Variants in LCORL observed in about 807,000 individuals in gnomAD.
LCORL encodes the protein ligand dependent nuclear receptor corepressor like.
A neutral mutation model predicts 141.8 loss-of-function variants in LCORL; 41 were observed. That is an observed-to-expected ratio of 0.29 (90% CI 0.23 to 0.38). The LOEUF (loss-of-function observed/expected upper bound fraction) is 0.38, where lower values mean the gene tolerates loss of function less well. Among genes scored for constraint, LCORL ranks in the 10% least tolerant of loss-of-function variants. The pLI is 1.00. For missense variants in LCORL, 1,759 were observed against 2,035.0 expected (o/e 0.86, Z 2.61); for synonymous variants, 618 against 694.1 (o/e 0.89, Z 1.72).
intron 5 of LCORL, among the ~76,000 whole-genome samples, chr4:17,890,095 G>C (rs1470094302): frequency 6.6e-6 from 1 of 151,914 alleles, no homozygotes. Flanking sequence ...TTGGTATTCA[G>C]GTTGTTTTAG....
At chr4:17,991,221 A>G (rs183104332) in intron 1 of LCORL, among the ~76,000 whole-genome samples, 1 of 152,274 alleles carries the variant, frequency 6.6e-6, no homozygotes, top group East Asian at 1.9e-4. Context: ...CTCTGTTTCA[A>G]TTCTTCCCAA....
Position 18,021,690 on chromosome 4 carries a change from G to C in LCORL, c.62C>G (p.Ala21Gly), listed in dbSNP as rs1238938056. Residue 21 changes from alanine to glycine, a missense_variant, in exon 1 of 8, where the codon GCC (alanine) becomes GGC (glycine). By Grantham distance (60) the Ala-to-Gly change is moderately conservative. This residue lies in a region of LCORL where 86 missense variants were observed against 61.8 expected (regional missense o/e 1.39). Coordinates refer to ENST00000635767, the Ensembl canonical transcript of LCORL. This position sits in a 1 kb window ranked among gnomAD's most constrained non-coding sequence, Gnocchi z 5.5. ...GCACCGAGGGCTCCGGCACTGAGCG[G>C]CGGCGGCGGCGGCGGCAGCAGCGGC... The C allele has an allele frequency of 6.5e-7, 1 of 1,531,172 alleles. No individual in the cohort carries two copies. The highest frequency in any genetic ancestry group is 1.4e-5 in the African/African-American group (1 of 70,986). 94.8% of individuals were successfully genotyped at this position (1,531,172 alleles called of 1,614,324 possible).
intron 7 of LCORL, chr4:17,867,142 A>G (rs1725770727): frequency 1.2e-5 from 2 of 170,866 alleles, no homozygotes; most frequent in Non-Finnish European, 2.3e-5. Context: ...ACAAAACAGA[A>G]CAGCTAACAT....
At position 18,021,327 on chromosome 4, in the gene LCORL, G is replaced by A. The variant is rs1034281709; in HGVS notation, c.154+271C>T. ...GTTTCGGGGAGAGAGCGAGCGGGCG[G>A]CTTCCGCGGGGGCTCAGCAAGCGGG... On this transcript the variant is annotated intron_variant, in intron 1 of 7. Coordinates refer to ENST00000635767, the Ensembl canonical transcript of LCORL. This position sits in a 1 kb window ranked among gnomAD's most constrained non-coding sequence, Gnocchi z 5.5. Among the ~76,000 whole-genome samples, 13 of 152,224 alleles carry A rather than the reference G, an allele frequency of 8.5e-5. No homozygotes were observed. Among genetic ancestry groups the A allele is most frequent in the African/African-American group, 2.4e-4 (10 of 41,542 alleles).
intron 5 of LCORL, among the ~76,000 whole-genome samples, chr4:17,904,388 G>A (rs1731312670): frequency 1.3e-5 from 2 of 151,978 alleles, no homozygotes; most frequent in Admixed American, 6.6e-5. Context: ...ACTTTCTTCA[G>A]TGACTTTATA....
chr4:17,843,926 TCAA>T (rs1223567638), exon 8 of LCORL: 1 of 152,144 alleles, frequency 6.6e-6, no homozygotes, highest in East Asian at 1.9e-4. Flanking sequence ...AGTATAACGT[TCAA>T]CAACAGTTAT....
At chr4:17,867,611 T>C (rs16895917) in intron 7 of LCORL, among the ~76,000 whole-genome samples, 2,819 of 152,314 alleles carry the variant, frequency 0.019, 88 homozygotes, top group East Asian at 0.13. Context: ...GTTGCCAAAG[T>C]AAAAACTTGA....
intron 1 of LCORL, among the ~76,000 whole-genome samples, chr4:18,001,943 A>G (rs1408249941): frequency 2.6e-5 from 4 of 152,198 alleles, no homozygotes; most frequent in South Asian, 2.1e-4. Context: ...ACACATCTAT[A>G]TATCTATGTT....
chr4:17,935,334 T>C (rs565455936), intron 4 of LCORL, among the ~76,000 whole-genome samples: 22 of 152,248 alleles, frequency 1.4e-4, no homozygotes, highest in African/African-American at 5.3e-4. Flanking sequence ...TAACATATAT[T>C]TCCATGAAAA....
At position 17,919,653 on chromosome 4, in the gene LCORL, T is replaced by C. The variant is rs558145150; in HGVS notation, c.431-10308A>G. ...CATATCTGTGGTATAATGCTACATA[T>C]TGGTTCTCATCCATGTTTCTTGGAT... On this transcript the variant is annotated intron_variant, in intron 4 of 7. Transcript: ENST00000635767. Among the ~76,000 whole-genome samples the C allele has an allele frequency of 4.6e-5, 7 of 152,354 alleles. No homozygotes were observed. The South Asian group carries it at 6.2e-4, about 14-fold the overall frequency.
At chr4:17,978,084 T>C (rs1323166323) in intron 1 of LCORL, among the ~76,000 whole-genome samples, 2 of 152,234 alleles carry the variant, frequency 1.3e-5, no homozygotes, top group Admixed American at 6.5e-5. Flanking sequence ...AGTTTTAGTA[T>C]ACTTCTTTGC....
intron 5 of LCORL, among the ~76,000 whole-genome samples, chr4:17,889,343 A>T (rs1009463283): frequency 6.6e-6 from 1 of 152,106 alleles, no homozygotes; most frequent in African/African-American, 2.4e-5. Context: ...GGCTATGTTA[A>T]AAGTTTTATT....
At chr4:17,915,661 G>T (rs1277671366) in intron 4 of LCORL, among the ~76,000 whole-genome samples, 1 of 152,136 alleles carries the variant, frequency 6.6e-6, no homozygotes, top group African/African-American at 2.4e-5. Context: ...AAATATTACT[G>T]GAATTATGTA....
intron 2 of LCORL, among the ~76,000 whole-genome samples, chr4:17,966,587 T>A (rs561131775): frequency 1.3e-5 from 2 of 152,152 alleles, no homozygotes; most frequent in Non-Finnish European, 2.9e-5. Context: ...AGGGGAAATA[T>A]GTCTTCACTT....
exon 8 of LCORL, chr4:17,843,109 CCT>C (rs1722579711): frequency 4.1e-6 from 2 of 487,968 alleles, no homozygotes. Flanking sequence ...CTAGATTTTC[CCT>C]GATTCACTTT....
At chr4:17,998,502 G>A (rs1274859989) in intron 1 of LCORL, among the ~76,000 whole-genome samples, 2 of 151,690 alleles carry the variant, frequency 1.3e-5, no homozygotes, top group Admixed American at 1.3e-4. Flanking sequence ...ATTAGCCTAG[G>A]CATACACAGA....
rs929510917 is a variant in LCORL, at chr4:17,935,340, G to GA, written c.431-25996dup. Among the ~76,000 whole-genome samples, 76 of 151,788 alleles carry GA rather than the reference G, an allele frequency of 5.0e-4. 1 individual carries two copies. Among genetic ancestry groups the GA allele is most frequent in the South Asian group, 3.7e-3 (18 of 4,800 alleles). On this transcript the variant is annotated intron_variant, in intron 4 of 7. Transcript: ENST00000635767. The stretch of plus-strand genomic sequence containing the variant: ...ACTACTACTTAACATATATTTCCAT[G>GA]AAAAAAAATACTACTCATGAGTTCC...
At chr4:17,962,274 A>G (rs1713974080) in intron 3 of LCORL, among the ~76,000 whole-genome samples, 1 of 151,836 alleles carries the variant, frequency 6.6e-6, no homozygotes, top group Non-Finnish European at 1.5e-5. Flanking sequence ...AAAAAAGAGC[A>G]TATGAAACAT....
chr4:18,006,826 G>A (rs1722895580), intron 1 of LCORL, among the ~76,000 whole-genome samples: 1 of 152,068 alleles, frequency 6.6e-6, no homozygotes, highest in African/African-American at 2.4e-5. Flanking sequence ...TTTGGGTGGG[G>A]ACACAGCCAA....
Sources: allele counts gnomAD v4.1 joint callset (sites outside exome capture counted in the v4.1 genomes callset), GRCh38; gene constraint gnomAD v4.1.1; regional missense constraint gnomAD v4.1.1; non-coding constraint Gnocchi (gnomAD v3.1); transcripts MANE v1.5; gene names NCBI Gene and HGNC (gene_info 2026-07-23, HGNC 2026-07-21).